The following TIAM2 variants were observed in gnomAD, a reference collection of about 807,000 sequenced individuals.
The protein encoded by TIAM2 is TIAM Rac1 associated GEF 2.
Under a neutral mutation model 152.9 loss-of-function variants are expected in TIAM2, and 80 were observed. The ratio of observed to expected loss-of-function variants is 0.52; its 90% CI spans 0.44 to 0.63. The LOEUF is 0.63. Among genes scored for constraint, TIAM2 ranks in the 30% least tolerant of loss-of-function variants. The pLI, the probability that TIAM2 is intolerant of heterozygous loss-of-function variation, is 0.00. For missense variants in TIAM2, 1,965 were observed against 2,120.1 expected (o/e 0.93, Z 1.44); for synonymous variants, 804 against 838.0 (o/e 0.96, Z 0.70).
chr6:155,249,737 A>AAT, intron 20 of TIAM2, 114 bp from the exon 21 acceptor site: 1 of 761,094 alleles, frequency 1.3e-6, no homozygotes, highest in Non-Finnish European at 2.1e-6. Context: ...TGCTCCTGCT[A>AAT]GTGGGTACTG....
chr6:155,222,972 T>A (rs1310034660), intron 15 of TIAM2, among the ~76,000 whole-genome samples: 1 of 152,234 alleles, frequency 6.6e-6, no homozygotes, highest in Non-Finnish European at 1.5e-5. Flanking sequence ...GGTAATGGTA[T>A]GCGAAGGTCA....
intron 1 of TIAM2, among the ~76,000 whole-genome samples, chr6:155,006,091 G>C (rs9478607): frequency 0.22 from 33,397 of 152,176 alleles, 4,395 homozygotes; most frequent in African/African-American, 0.37. Context: ...TAGAGGGCAG[G>C]GAGGCTCCCA....
chr6:155,026,079 T>C (rs564311170), intron 1 of TIAM2, among the ~76,000 whole-genome samples: 1 of 152,128 alleles, frequency 6.6e-6, no homozygotes, highest in East Asian at 1.9e-4. Flanking sequence ...CTGATAATGA[T>C]AGGCTGGATT....
intron 1 of TIAM2, among the ~76,000 whole-genome samples, chr6:155,042,793 C>CTT (rs35994658): frequency 0.27 from 41,161 of 151,796 alleles, 5,902 homozygotes; most frequent in African/African-American, 0.38. Context: ...AATCTACTCT[C>CTT]AGCATTTTTC....
intron 1 of TIAM2, among the ~76,000 whole-genome samples, chr6:155,002,499 T>C (rs1467321553): frequency 3.3e-5 from 5 of 152,100 alleles, no homozygotes; most frequent in African/African-American, 4.8e-5. Context: ...CTTTCTGTCA[T>C]TTTTTTCCTT....
intron 9 of TIAM2, among the ~76,000 whole-genome samples, chr6:155,175,204 C>T (rs375343295): frequency 3.9e-5 from 6 of 152,252 alleles, no homozygotes; most frequent in South Asian, 2.1e-4. Context: ...GTACTGAAAG[C>T]GACAGATCCA....
intron 14 of TIAM2, among the ~76,000 whole-genome samples, chr6:155,184,890 G>A (rs1780998482): frequency 6.6e-6 from 1 of 152,046 alleles, no homozygotes; most frequent in Admixed American, 6.6e-5. Context: ...AATTACTTGG[G>A]TATATTAGGG....
chr6:155,052,329 G>A (rs73792673), intron 1 of TIAM2, among the ~76,000 whole-genome samples: 5,827 of 151,998 alleles, frequency 0.038, 337 homozygotes, highest in African/African-American at 0.13. Context: ...TATATTTTAG[G>A]TGGCAAAATA....
chr6:155,113,222 G>T (rs1003705967), intron 2 of TIAM2, among the ~76,000 whole-genome samples: 2 of 152,024 alleles, frequency 1.3e-5, no homozygotes, highest in African/African-American at 4.8e-5. Flanking sequence ...TCCGGCACTT[G>T]CACTTTCTGT....
intron 17 of TIAM2, 48 bp downstream of exon 17, chr6:155,244,127 C>T (rs1783194201): frequency 1.3e-6 from 2 of 1,554,928 alleles, no homozygotes; most frequent in African/African-American, 1.4e-5. Flanking sequence ...AGGTTAGTCT[C>T]TGTTTGCCTT....
intron 1 of TIAM2, among the ~76,000 whole-genome samples, chr6:155,085,733 G>A (rs1404645916): frequency 6.6e-6 from 1 of 152,186 alleles, no homozygotes; most frequent in Non-Finnish European, 1.5e-5. Context: ...TTACACTGAT[G>A]TCATGGTGCA....
chr6:155,023,009 CTG>C (rs1191426493), intron 1 of TIAM2, among the ~76,000 whole-genome samples: 1 of 148,170 alleles, frequency 6.7e-6, no homozygotes, highest in Non-Finnish European at 1.5e-5. Flanking sequence ...AACTAGGGCA[CTG>C]AGAGAGAAGG....
At chr6:155,144,878 T>G in intron 6 of TIAM2, 100 bp downstream of exon 6, 1 of 1,340,294 alleles carries the variant, frequency 7.5e-7, no homozygotes, top group South Asian at 1.4e-5. Flanking sequence ...GAATAAATAC[T>G]TAGTTAGGCT....
rs1010044571 is a variant in TIAM2, at chr6:155,104,775, T to C, written c.-118+14396T>C. On this transcript the variant is annotated intron_variant, in intron 2 of 26. Coordinates refer to ENST00000682666, the MANE Select transcript of TIAM2 (RefSeq NM_012454.4). ...CTGTCTCAAAAAAAAAAAAAAATTATAAAGCATACCTTCAAGTGTATAATA... is the reference window on the plus strand; with the variant it reads ...CTGTCTCAAAAAAAAAAAAAAATTACAAAGCATACCTTCAAGTGTATAATA... Among the ~76,000 whole-genome samples, 12 of 148,786 alleles carry C rather than the reference T, an allele frequency of 8.1e-5. 1 individual carries two copies. Among genetic ancestry groups the C allele is most frequent in the East Asian group, 3.9e-4 (2 of 5,160 alleles).
At chr6:155,003,213 TC>T (rs200249278) in intron 1 of TIAM2, among the ~76,000 whole-genome samples, 1,935 of 152,262 alleles carry the variant, frequency 0.013, 50 homozygotes, top group African/African-American at 0.044. Flanking sequence ...TAAAGGTTGA[TC>T]CGTTTTTTTC....
At chr6:155,158,630 C>CT (rs1562335997) in intron 7 of TIAM2, among the ~76,000 whole-genome samples, 1 of 151,824 alleles carries the variant, frequency 6.6e-6, no homozygotes, top group Non-Finnish European at 1.5e-5. Flanking sequence ...TCTCGGCTCA[C>CT]TGCAGCCTCA....
chr6:155,157,544 C>T (rs1272597954), intron 7 of TIAM2, among the ~76,000 whole-genome samples: 2 of 151,692 alleles, frequency 1.3e-5, no homozygotes, highest in South Asian at 2.1e-4. Context: ...TGGGTGCAAG[C>T]GATCCTCCTG....
At chr6:155,155,673 C>G (rs1225793126) in intron 7 of TIAM2, among the ~76,000 whole-genome samples, 1 of 151,982 alleles carries the variant, frequency 6.6e-6, no homozygotes, top group African/African-American at 2.4e-5. Flanking sequence ...CGGGGTTTTG[C>G]CATGTTGGCC....
chr6:155,143,858 A>G (rs1248278998), intron 5 of TIAM2, among the ~76,000 whole-genome samples: 1 of 152,028 alleles, frequency 6.6e-6, no homozygotes, highest in African/African-American at 2.4e-5. Context: ...TGGGGACCCC[A>G]ATTCCTGATG....
Sources: allele counts gnomAD v4.1 joint callset (sites outside exome capture counted in the v4.1 genomes callset), GRCh38; gene constraint gnomAD v4.1.1; transcripts MANE v1.5; gene names NCBI Gene and HGNC (gene_info 2026-07-23, HGNC 2026-07-21).